Variants in HSD17B7 observed in about 807,000 individuals in gnomAD.
The protein encoded by HSD17B7 is hydroxysteroid 17-beta dehydrogenase 7, also known as 3-keto-steroid reductase/17-beta-hydroxysteroid dehydrogenase 7.
Under a neutral mutation model 34.1 loss-of-function variants are expected in HSD17B7, and 17 were observed. The observed-to-expected ratio is 0.50, with a 90% CI of 0.34 to 0.75. The LOEUF (loss-of-function observed/expected upper bound fraction) is 0.75, where lower values mean the gene tolerates loss of function less well. HSD17B7 is among the 30% of genes least tolerant of loss of function. HSD17B7 has a pLI of 0.01. For missense variants in HSD17B7, 296 were observed against 406.6 expected (o/e 0.73, Z 2.34); for synonymous variants, 122 against 154.6 (o/e 0.79, Z 1.56).
intron 8 of HSD17B7, among the ~76,000 whole-genome samples, chr1:162,807,296 T>C (rs1413196862): frequency 2.0e-5 from 3 of 152,156 alleles, no homozygotes; most frequent in East Asian, 1.9e-4. Flanking sequence ...CTACAAAGGA[T>C]ATGAACTCAT....
intron 8 of HSD17B7, 71 bp from the exon 9 acceptor site, chr1:162,812,227 C>CT (rs927810507): frequency 6.7e-5 from 102 of 1,518,654 alleles, no homozygotes; most frequent in South Asian, 4.5e-4. Context: ...TATTGAATGC[C>CT]TTTTTTTTAT....
rs756309267 is a variant in HSD17B7, at chr1:162,799,747, G to A, written c.452G>A (p.Arg151Gln). Residue 151 changes from arginine (R) to glutamine (Q), a missense_variant, in exon 5 of 9, where the codon CGG (arginine) becomes CAG (glutamine). Coordinates refer to ENST00000254521, the MANE Select transcript of HSD17B7 (RefSeq NM_016371.4). ...TNVFGHFILI[R>Q]ELEPLLCHSD... The stretch of plus-strand genomic sequence containing the variant: ...TTTTTTTTTTCTTTCACCCAGATTC[G>A]GGAACTGGAGCCTCTCCTCTGTCAC... 84 of 1,609,288 alleles carry A rather than the reference G, an allele frequency of 5.2e-5. No individual in the cohort carries two copies. Among genetic ancestry groups the A allele is most frequent in the Non-Finnish European group, 6.5e-5 (76 of 1,177,948 alleles).
intron 8 of HSD17B7, among the ~76,000 whole-genome samples, chr1:162,808,497 C>A (rs1320208714): frequency 6.6e-6 from 1 of 152,154 alleles, no homozygotes; most frequent in Non-Finnish European, 1.5e-5. Context: ...TTTTCCAATT[C>A]TGTGAAGAAA....
intron 4 of HSD17B7, 192 bp from the exon 5 acceptor site, chr1:162,799,551 G>A: frequency 3.8e-6 from 2 of 531,298 alleles, no homozygotes; most frequent in Non-Finnish European, 6.8e-6. Flanking sequence ...AGATATATAT[G>A]TACATACTAA....
chr1:162,811,123 A>G (rs1026051989), intron 8 of HSD17B7, among the ~76,000 whole-genome samples: 16 of 149,734 alleles, frequency 1.1e-4, no homozygotes, highest in Non-Finnish European at 1.5e-4. Flanking sequence ...TTCCTTCAGG[A>G]GTTCTTGTAG....
chr1:162,790,955 C>T, intron 1 of HSD17B7, 120 bp downstream of exon 1: 1 of 706,116 alleles, frequency 1.4e-6, no homozygotes, highest in Non-Finnish European at 2.6e-6. Context: ...CCTAGGTTCC[C>T]CGGAGTCTGC....
rs1649207111 is a variant in HSD17B7 at position 162,812,777 on chromosome 1, T to A, written c.*357T>A. On this transcript the variant is annotated 3_prime_UTR_variant, in exon 9 of 9. Coordinates refer to ENST00000254521, the MANE Select transcript of HSD17B7 (RefSeq NM_016371.4). Reference sequence around the variant, plus strand: ...CATTCTGGGGTACATGGATTTCTACTGAGTTGGATAATATGCATTTGTAAT... The same window carrying A: ...CATTCTGGGGTACATGGATTTCTACAGAGTTGGATAATATGCATTTGTAAT... 6.3e-6 allele frequency: 1 copy of A among 158,790 alleles called. No homozygotes were observed. The highest frequency in any genetic ancestry group is 2.4e-5 in the African/African-American group (1 of 41,556). 9.8% of individuals were successfully genotyped at this position (158,790 alleles called of 1,614,324 possible). A position where few individuals can be genotyped will look rare whatever the true frequency, so the allele number is the denominator to read the frequency against.
intron 8 of HSD17B7, among the ~76,000 whole-genome samples, chr1:162,808,280 A>C (rs1195882300): frequency 6.6e-6 from 1 of 151,826 alleles, no homozygotes; most frequent in Non-Finnish European, 1.5e-5. Context: ...ATGGTTGTAG[A>C]TATGCAGCAT....
intron 8 of HSD17B7, among the ~76,000 whole-genome samples, chr1:162,807,155 G>C (rs1231577698): frequency 6.6e-6 from 1 of 152,098 alleles, no homozygotes; most frequent in East Asian, 1.9e-4. Flanking sequence ...CCCAGTGTGT[G>C]AGGTTCCCCT....
Position 162,792,208 on chromosome 1 carries a change from G to A in HSD17B7, c.36-451G>A, listed in dbSNP as rs182019124. Among the ~76,000 whole-genome samples, 308 of 152,282 alleles carry A rather than the reference G, an allele frequency of 2.0e-3. 3 individuals carry two copies. Among genetic ancestry groups the A allele is most frequent in the African/African-American group, 7.0e-3 (291 of 41,548 alleles). Reference sequence around the variant, plus strand: ...TTCTGGTGCTCCTTATGGTGTTTACGATACCAGTAGGTGGTAGAGCCCTTG... The same window carrying A: ...TTCTGGTGCTCCTTATGGTGTTTACAATACCAGTAGGTGGTAGAGCCCTTG... On this transcript the variant is annotated intron_variant, in intron 1 of 8. Transcript: ENST00000254521.
chr1:162,796,753 G>A (rs751875434), intron 3 of HSD17B7, 76 bp downstream of exon 3: 11 of 901,582 alleles, frequency 1.2e-5, no homozygotes, highest in Non-Finnish European at 2.1e-5. Context: ...GGCATGTTAA[G>A]TTGGGGGGAT....
In HSD17B7 at chr1:162,804,734, A is replaced by C. The variant is rs554950848; in HGVS notation, c.804+411A>C. On this transcript the variant is annotated intron_variant, in intron 7 of 8. Coordinates refer to ENST00000254521, the MANE Select transcript of HSD17B7 (RefSeq NM_016371.4). ...AGGTTGAACACCATTCCCCTCTATG[A>C]AGATTTTCTTCCCTCTCTTAGAAGA... Among the ~76,000 whole-genome samples the C allele has an allele frequency of 7.2e-5, 11 of 152,342 alleles. 1 individual carries two copies. The South Asian group carries it at 2.1e-3, about 29-fold the overall frequency.
intron 5 of HSD17B7, among the ~76,000 whole-genome samples, chr1:162,800,605 T>G (rs890923061): frequency 6.6e-6 from 1 of 152,214 alleles, no homozygotes; most frequent in Non-Finnish European, 1.5e-5. Context: ...GCCACTATGG[T>G]CTGCACCTTA....
chr1:162,794,123 A>G (rs1171437794), intron 2 of HSD17B7, among the ~76,000 whole-genome samples: 2 of 152,212 alleles, frequency 1.3e-5, no homozygotes, highest in African/African-American at 2.4e-5. Context: ...AAAAAGTCCA[A>G]GAACCCTGCA....
intron 8 of HSD17B7, among the ~76,000 whole-genome samples, chr1:162,811,487 G>A (rs1222911116): frequency 1.4e-5 from 2 of 147,826 alleles, no homozygotes; most frequent in Non-Finnish European, 2.9e-5. Flanking sequence ...CTTGATGAAA[G>A]GATATCACTA....
At chr1:162,803,748 G>A (rs2258297) in intron 6 of HSD17B7, among the ~76,000 whole-genome samples, 1,345 of 119,970 alleles carry the variant, frequency 0.011, no homozygotes, top group Admixed American at 0.016. Flanking sequence ...CTTTAAAGGA[G>A]TGTTTCATTG....
chr1:162,793,770 A>AAC (rs1192017449), intron 2 of HSD17B7, among the ~76,000 whole-genome samples: 1 of 152,228 alleles, frequency 6.6e-6, no homozygotes, highest in Non-Finnish European at 1.5e-5. Context: ...AGTGACATTT[A>AAC]ACAAGTGAAG....
rs189850266 is a variant in HSD17B7 at position 162,797,628 on chromosome 1, T to C, written c.333-174T>C. On this transcript the variant is annotated intron_variant, in intron 3 of 8. Transcript: ENST00000254521. ...AATTAGTGGGGGGAAGGAGGGTCTT[T>C]GGCATTTCATTTAATACAATAACCC... is the stretch of plus-strand genomic sequence containing the variant. The C allele has an allele frequency of 3.1e-4, 264 of 847,660 alleles. No individual in the cohort carries two copies. The African/African-American group carries it at 4.2e-3, about 14-fold the overall frequency. 52.5% of individuals were successfully genotyped at this position (847,660 alleles called of 1,614,324 possible).
At chr1:162,809,413 T>C (rs1332774046) in intron 8 of HSD17B7, among the ~76,000 whole-genome samples, 1 of 152,186 alleles carries the variant, frequency 6.6e-6, no homozygotes, top group Admixed American at 6.5e-5. Context: ...TCATCAGGGA[T>C]ATTGGTCTAA....
Sources: gnomAD v4.1 joint callset for allele counts (sites outside exome capture counted in the v4.1 genomes callset) on GRCh38, gnomAD v4.1.1 for gene constraint, MANE v1.5 for transcripts, NCBI Gene and HGNC (gene_info 2026-07-23, HGNC 2026-07-21) for gene names.